SSH1: variants seen among roughly 807,000 people sequenced by gnomAD.
SSH1 encodes the protein protein phosphatase Slingshot homolog 1.
SSH1 carries 43 observed loss-of-function variants against 79.7 expected under a neutral mutation model. The observed-to-expected ratio is 0.54, with a 90% CI of 0.42 to 0.70. The LOEUF is 0.70. Among genes scored for constraint, SSH1 ranks in the 30% least tolerant of loss-of-function variants. The pLI, the probability that SSH1 is intolerant of heterozygous loss-of-function variation, is 0.00. For synonymous variants in SSH1, 599 were observed against 538.3 expected, an observed-to-expected ratio of 1.11 and a Z score of -1.56; for missense variants, 1,206 against 1,358.8, an observed-to-expected ratio of 0.89 and a Z score of 1.77.
At chr12:108,851,047 T>G (rs2137291276) in intron 2 of SSH1, among the ~76,000 whole-genome samples, 2 of 152,172 alleles carry the variant, frequency 1.3e-5, no homozygotes, top group Admixed American at 1.3e-4. Context: ...ATCCAGCTGC[T>G]TCTAGCCTGG....
rs187919328 is a variant in SSH1, at chr12:108,784,132, T to C, written c.*3856A>G. 2.6e-5 allele frequency: 4 copies of C among 152,246 alleles called. No homozygotes were observed. Among genetic ancestry groups the C allele is most frequent in the Admixed American group, 2.0e-4 (3 of 15,286 alleles). The allele number at this position is 152,246 out of a possible 1,614,324, so 9.4% of individuals were successfully genotyped here. ...ACTTAATAGGATCTTGACTAAATTA[T>C]GTAGCATTTGTTCCCACTAGAGAGA... On this transcript the variant is annotated 3_prime_UTR_variant, in exon 15 of 15. Transcript: ENST00000326495.
rs780501247 is a variant in SSH1, at chr12:108,807,737, G to T, written c.627C>A (p.Tyr209Ter). ...PGGVALIWAT[Y>*]YESCISSEQS... ...GCTCGGAGCTGATGCAGCTCTCATA[G>T]TAGGTAGCCCAGATGAGAGCTACAC... The change falls in exon 8 of 15, where the codon TAC (tyrosine) becomes TAA (stop). Residue 209 changes from tyrosine to a stop codon, truncating the protein, a stop_gained. Transcript: ENST00000326495. LOFTEE classifies it high-confidence loss of function. The surrounding 1 kb of genome is among the most constrained non-coding windows in gnomAD (Gnocchi z 5.2). 6.2e-7 allele frequency: 1 copy of T among 1,613,568 alleles called. No individual in the cohort carries two copies. The highest frequency in any genetic ancestry group is 8.5e-7 in the Non-Finnish European group (1 of 1,179,678).
rs1044808088 is a variant in SSH1 at position 108,829,282 on chromosome 12, GCAC to G, written c.111-5924_111-5922del. Among the ~76,000 whole-genome samples, 15 of 152,244 alleles carry G rather than the reference GCAC, an allele frequency of 9.9e-5. 1 individual carries two copies. The highest frequency in any genetic ancestry group is 3.6e-4 in the African/African-American group (15 of 41,536). On this transcript the variant is annotated intron_variant, in intron 2 of 14. Coordinates refer to ENST00000326495, the MANE Select transcript of SSH1 (RefSeq NM_018984.4). ...GCGGAGGTTGCAGTGAGCCAAGATC[GCAC>G]CACTGTACTCCAGCCTGGGCGACAA...
Position 108,798,993 on chromosome 12 carries a change from C to T in SSH1, c.1349+7G>A, listed in dbSNP as rs778173679. The stretch of plus-strand genomic sequence containing the variant: ...CTGCCAACCCTTCTCTCCAGGCAGG[C>T]ACCCACCTTGCATCCAAGATGCCTT... On this transcript the variant is annotated splice_region_variant and intron_variant, in intron 13 of 14. Coordinates refer to ENST00000326495, the MANE Select transcript of SSH1 (RefSeq NM_018984.4). 5 of 1,611,894 alleles carry T rather than the reference C, an allele frequency of 3.1e-6. No homozygotes were observed. In the East Asian group the frequency reaches 1.1e-4, roughly 36 times the overall value.
chr12:108,828,374 A>T (rs2038383608), intron 2 of SSH1, among the ~76,000 whole-genome samples: 1 of 152,120 alleles, frequency 6.6e-6, no homozygotes, highest in Non-Finnish European at 1.5e-5. Context: ...ACTCACATCT[A>T]TCTGCCCCAC....
Position 108,807,467 on chromosome 12 carries a change from C to A in SSH1, c.731+166G>T. On this transcript the variant is annotated intron_variant, in intron 8 of 14. Transcript: ENST00000326495. The surrounding 1 kb of genome is among the most constrained non-coding windows in gnomAD (Gnocchi z 5.2). Reference sequence around the variant, plus strand: ...TTGCATGGGACAGGGGCCTGTGTCACAGACCCCTGCTTTAAACGCTGGTTC... The same window carrying A: ...TTGCATGGGACAGGGGCCTGTGTCAAAGACCCCTGCTTTAAACGCTGGTTC... 1 of 601,776 alleles carries A rather than the reference C, an allele frequency of 1.7e-6. No individual in the cohort carries two copies. Among genetic ancestry groups the A allele is most frequent in the Non-Finnish European group, 2.9e-6 (1 of 340,034 alleles). The allele number at this position is 601,776 out of a possible 1,614,324, so 37.3% of individuals were successfully genotyped here. A position where few individuals can be genotyped will look rare whatever the true frequency, so the allele number is the denominator to read the frequency against.
rs564777873 is a variant in SSH1, at chr12:108,797,639, G to C, written c.1349+1361C>G. ...GGAAGAAGTGCCTGGATGTCGGAGA[G>C]AGTGGCAGCTTGACTTTAGAAGATG... is the stretch of plus-strand genomic sequence containing the variant. On this transcript the variant is annotated intron_variant, in intron 13 of 14. Coordinates refer to ENST00000326495, the MANE Select transcript of SSH1 (RefSeq NM_018984.4). Among the ~76,000 whole-genome samples the C allele has an allele frequency of 1.2e-4, 19 of 152,356 alleles. No individual in the cohort carries two copies. The South Asian group carries it at 3.1e-3, about 25-fold the overall frequency.
At chr12:108,819,665 C>G (rs890590215) in intron 3 of SSH1, among the ~76,000 whole-genome samples, 1 of 152,014 alleles carries the variant, frequency 6.6e-6, no homozygotes, top group South Asian at 2.1e-4. Context: ...CCCATCTCTA[C>G]AGAAAAGTAA....
intron 13 of SSH1, 67 bp downstream of exon 13, chr12:108,798,909 CATGCTCTGCTGCCGACAGAGGCCT>C (rs2036865130): frequency 6.8e-7 from 1 of 1,459,958 alleles, no homozygotes; most frequent in African/African-American, 1.4e-5. Flanking sequence ...CGAATGGGAG[CATGCTCTGCTGCCGACAGAGGCCT>C]GGCTGGCTTG....
chr12:108,816,956 G>A (rs915046050), intron 5 of SSH1, 82 bp downstream of exon 5: 5 of 1,591,994 alleles, frequency 3.1e-6, no homozygotes, highest in East Asian at 2.3e-5. Context: ...CACCTCTGAT[G>A]GATATGGGAC....
intron 11 of SSH1, 135 bp downstream of exon 11, chr12:108,802,187 C>G: frequency 2.7e-6 from 2 of 739,580 alleles, no homozygotes; most frequent in Admixed American, 4.1e-5. Flanking sequence ...TGCACATCAA[C>G]CCCTGGCAGC....
chr12:108,827,265 A>C, intron 2 of SSH1: 1 of 1,549,332 alleles, frequency 6.5e-7, no homozygotes, highest in African/African-American at 1.4e-5. Flanking sequence ...ATACGTACTA[A>C]TTTGAGCTGG....
At chr12:108,798,498 C>T (rs1483088634) in intron 13 of SSH1, among the ~76,000 whole-genome samples, 1 of 152,212 alleles carries the variant, frequency 6.6e-6, no homozygotes, top group East Asian at 1.9e-4. Flanking sequence ...GTCCCAGGCC[C>T]AGCTAAGGTG....
rs747641327 is a variant in SSH1 at position 108,783,199 on chromosome 12, G to A, written c.*4789C>T. 6.6e-6 allele frequency: 1 copy of A among 152,242 alleles called. No individual in the cohort carries two copies. The highest frequency in any genetic ancestry group is 1.5e-5 in the Non-Finnish European group (1 of 68,062). The allele number at this position is 152,242 out of a possible 1,614,324, so 9.4% of individuals were successfully genotyped here. A position where few individuals can be genotyped will look rare whatever the true frequency, so the allele number is the denominator to read the frequency against. On this transcript the variant is annotated 3_prime_UTR_variant, in exon 15 of 15. Coordinates refer to ENST00000326495, the MANE Select transcript of SSH1 (RefSeq NM_018984.4). ...CATTGGCTCCTATGGGACACAGCAT[G>A]GGCCAATGCCTGCCTGGCCTGCAGG...
intron 2 of SSH1, among the ~76,000 whole-genome samples, chr12:108,850,336 G>A (rs1344086098): frequency 4.7e-5 from 2 of 42,610 alleles, no homozygotes; most frequent in African/African-American, 2.4e-4. Flanking sequence ...GCTCAATGAC[G>A]GGACGTGGGG....
At chr12:108,803,937 C>A (rs1484763379) in intron 10 of SSH1, among the ~76,000 whole-genome samples, 7 of 152,194 alleles carry the variant, frequency 4.6e-5, no homozygotes, top group Non-Finnish European at 8.8e-5. Flanking sequence ...TTACTTCCTA[C>A]AGAAAACAAA....
chr12:108,822,507 C>T (rs187702690), intron 3 of SSH1, among the ~76,000 whole-genome samples: 1 of 152,102 alleles, frequency 6.6e-6, no homozygotes, highest in Admixed American at 6.6e-5. Flanking sequence ...AGTGCAGTGG[C>T]GTGATCCTAG....
intron 2 of SSH1, among the ~76,000 whole-genome samples, chr12:108,827,765 ACT>A (rs1362772595): frequency 1.3e-5 from 2 of 152,144 alleles, no homozygotes; most frequent in East Asian, 1.9e-4. Flanking sequence ...CTGAAGGATG[ACT>A]CTTTCTTTCA....
chr12:108,847,983 G>A (rs1220229817), intron 2 of SSH1, among the ~76,000 whole-genome samples: 1 of 152,228 alleles, frequency 6.6e-6, no homozygotes, highest in Non-Finnish European at 1.5e-5. Flanking sequence ...ACTACAGCCA[G>A]GTGAAAAGGA....
Sources: gnomAD v4.1 joint callset for allele counts (sites outside exome capture counted in the v4.1 genomes callset) on GRCh38, gnomAD v4.1.1 for gene constraint, Gnocchi (gnomAD v3.1) non-coding constraint, MANE v1.5 for transcripts, NCBI Gene and HGNC (gene_info 2026-07-23, HGNC 2026-07-21) for gene names.